Variants in COL4A5 observed in about 807,000 individuals in gnomAD.
COL4A5 encodes collagen alpha-5(IV) chain.
COL4A5 carries 26 observed loss-of-function variants against 130.2 expected under a neutral mutation model. The ratio of observed to expected loss-of-function variants is 0.20; its 90% CI spans 0.15 to 0.28. The LOEUF (loss-of-function observed/expected upper bound fraction) is 0.28, where lower values mean the gene tolerates loss of function less well. Among genes scored for constraint, COL4A5 ranks in the 10% least tolerant of loss-of-function variants. The pLI is 1.00. For missense variants in COL4A5, 1,131 were observed against 1,344.3 expected (o/e 0.84, Z 2.48); for synonymous variants, 496 against 439.6 (o/e 1.13, Z -1.60).
chrX:108,563,385 G>T (rs968467524), intron 3 of COL4A5, among the ~76,000 whole-genome samples: 2 of 110,821 alleles, frequency 1.8e-5, no homozygotes, highest in Admixed American at 1.9e-4. Context: ...TTTTTAAATC[G>T]TTCTTACGCT....
intron 10 of COL4A5, among the ~76,000 whole-genome samples, chrX:108,577,372 C>CAAAAAAAAAAAA (rs746311921): frequency 1.0e-3 from 31 of 29,696 alleles, no homozygotes; most frequent in Non-Finnish European, 1.7e-3. Flanking sequence ...AACTCCTTCT[C>CAAAAAAAAAAAA]AAAAAAAAAA....
chrX:108,473,734 C>T (rs1342148716), intron 1 of COL4A5, among the ~76,000 whole-genome samples: 3 of 100,814 alleles, frequency 3.0e-5, no homozygotes, highest in Non-Finnish European at 6.0e-5. Context: ...CAAGTTCAAG[C>T]GATTCTCCTG....
intron 8 of COL4A5, 71 bp from the exon 9 acceptor site, chrX:108,573,503 A>G: frequency 1.4e-6 from 1 of 705,581 alleles, no homozygotes; most frequent in Admixed American, 2.2e-5. Flanking sequence ...TCTTCAGATC[A>G]TTTTTCTGGT....
chrX:108,673,465 AT>A (rs1225338074), intron 42 of COL4A5, among the ~76,000 whole-genome samples: 1 of 111,027 alleles, frequency 9.0e-6, no homozygotes, highest in Non-Finnish European at 1.9e-5. Flanking sequence ...GGGGTGCTCT[AT>A]TTGTAGGCTT....
chrX:108,635,224 G>GA (rs1337192761), intron 36 of COL4A5, among the ~76,000 whole-genome samples: 2 of 109,055 alleles, frequency 1.8e-5, no homozygotes, highest in Non-Finnish European at 3.8e-5. Flanking sequence ...AAAAGTGGGA[G>GA]AAAAAAAATC....
At chrX:108,456,390 TAATATA>T (rs1366937972) in intron 1 of COL4A5, among the ~76,000 whole-genome samples, 1 of 112,336 alleles carries the variant, frequency 8.9e-6, no homozygotes, top group Non-Finnish European at 1.9e-5. Flanking sequence ...ATGTATACAG[TAATATA>T]AATATAGTCT....
intron 36 of COL4A5, among the ~76,000 whole-genome samples, chrX:108,628,191 C>A (rs946630256): frequency 9.1e-6 from 1 of 110,429 alleles, no homozygotes; most frequent in African/African-American, 3.3e-5. Flanking sequence ...AAAATTATTT[C>A]TAGGTTCATG....
At chrX:108,487,160 G>A (rs1353067704) in intron 1 of COL4A5, among the ~76,000 whole-genome samples, 4 of 111,061 alleles carry the variant, frequency 3.6e-5, no homozygotes, top group Admixed American at 9.5e-5. Flanking sequence ...GGGAGGCTGA[G>A]GCAGGTGATC....
chrX:108,535,500 A>G lies in COL4A5; in HGVS notation c.82-4246A>G, dbSNP rs141784433. Reference sequence around the variant, plus strand: ...TTTTTGCCCAGCCTCTAGAAGGTCAATGCAGTCAGAGTCCACTCAGGTAAT... The same window carrying G: ...TTTTTGCCCAGCCTCTAGAAGGTCAGTGCAGTCAGAGTCCACTCAGGTAAT... On this transcript the variant is annotated intron_variant, in intron 1 of 52. Coordinates refer to ENST00000328300, the MANE Select transcript of COL4A5 (RefSeq NM_033380.3). 5.6e-3 allele frequency among the ~76,000 whole-genome samples: 627 copies of G among 111,298 alleles called. 4 individuals are homozygous for G. The highest frequency in any genetic ancestry group is 0.02 in the African/African-American group (609 of 30,727).
intron 1 of COL4A5, among the ~76,000 whole-genome samples, chrX:108,469,438 C>T (rs543994386): frequency 9.1e-6 from 1 of 110,287 alleles, no homozygotes; most frequent in South Asian, 3.9e-4. Context: ...AGTCATCATG[C>T]CTGGCTCATA....
At chrX:108,559,545 G>C (rs775301159) in intron 3 of COL4A5, among the ~76,000 whole-genome samples, 4 of 111,513 alleles carry the variant, frequency 3.6e-5, no homozygotes, top group Non-Finnish European at 7.5e-5. Context: ...AGTTAAACTG[G>C]AGAAAGTGCT....
intron 13 of COL4A5, among the ~76,000 whole-genome samples, chrX:108,578,927 C>T (rs1430102430): frequency 9.0e-6 from 1 of 111,182 alleles, no homozygotes; most frequent in Non-Finnish European, 1.9e-5. Flanking sequence ...ATCTGCCCGC[C>T]TCGGCCTCCC....
rs1270798516 is a variant in COL4A5, at chrX:108,681,773, A to G, written c.4101A>G (p.Leu1367=). 2 of 1,208,298 alleles carry G rather than the reference A, an allele frequency of 1.7e-6. No homozygotes were observed. The highest frequency in any genetic ancestry group is 2.2e-6 in the Non-Finnish European group (2 of 893,118). Reference sequence around the variant, plus strand: ...TTTGTCTCATAGGTCCTCCTGGATTACCTGGTCCTTCAGGACAGAGTATCA... The same window carrying G: ...TTTGTCTCATAGGTCCTCCTGGATTGCCTGGTCCTTCAGGACAGAGTATCA... ...GLIGPPGPPG[L]PGPSGQSIII... The change falls in exon 47 of 53, where the codon TTA becomes TTG. Residue 1367 remains leucine, a synonymous_variant. Coordinates refer to ENST00000328300, the MANE Select transcript of COL4A5 (RefSeq NM_033380.3).
chrX:108,620,956 T>C (rs1244936202), intron 31 of COL4A5, among the ~76,000 whole-genome samples: 1 of 110,906 alleles, frequency 9.0e-6, no homozygotes, highest in African/African-American at 3.3e-5. Context: ...GAAAAGTGAG[T>C]GTTTCAGGAA....
At chrX:108,681,064 C>A (rs1405358284) in intron 46 of COL4A5, 108 bp downstream of exon 46, 2 of 625,267 alleles carry the variant, frequency 3.2e-6, no homozygotes, top group South Asian at 2.5e-5. Context: ...AAGTCCCCAA[C>A]AACTGAGGCA....
intron 1 of COL4A5, among the ~76,000 whole-genome samples, chrX:108,525,204 T>C (rs2065301137): frequency 8.9e-6 from 1 of 112,187 alleles, no homozygotes; most frequent in African/African-American, 3.2e-5. Context: ...ATAATTGACA[T>C]GGCATCCTGT....
intron 18 of COL4A5, among the ~76,000 whole-genome samples, chrX:108,585,055 A>G: frequency 8.9e-6 from 1 of 112,162 alleles, no homozygotes. Flanking sequence ...TGAAAGAATA[A>G]TTGAGGGTGG....
chrX:108,665,582 C>G lies in COL4A5; in HGVS notation c.3449C>G (p.Pro1150Arg). The change falls in exon 38 of 53, where the codon CCT becomes CGT. Residue 1150 changes from proline to arginine, a missense_variant. Coordinates refer to ENST00000328300, the MANE Select transcript of COL4A5 (RefSeq NM_033380.3). Reference sequence around the variant, plus strand: ...CCCGGCCTTCCAGGAGAACCTGGTCCTGTAGGTAAGCATGAAAAATAACAG... The same window carrying G: ...CCCGGCCTTCCAGGAGAACCTGGTCGTGTAGGTAAGCATGAAAAATAACAG... ...GNPGLPGEPG[P>R]VGGGGHPGQP... is the part of the protein sequence containing the mutation. 1 of 1,186,394 alleles carries G rather than the reference C, an allele frequency of 8.4e-7. No homozygotes were observed. Among genetic ancestry groups the G allele is most frequent in the Non-Finnish European group, 1.1e-6 (1 of 873,377 alleles).
At chrX:108,559,343 A>C (rs1176464075) in intron 3 of COL4A5, among the ~76,000 whole-genome samples, 190 bp downstream of exon 3, 1 of 112,564 alleles carries the variant, frequency 8.9e-6, no homozygotes, top group Non-Finnish European at 1.9e-5. Context: ...TGCCATATTC[A>C]GATGCTTTTG....
Sources: allele counts gnomAD v4.1 joint callset (sites outside exome capture counted in the v4.1 genomes callset), GRCh38; gene constraint gnomAD v4.1.1; transcripts MANE v1.5; gene names NCBI Gene and HGNC (gene_info 2026-07-23, HGNC 2026-07-21).